ACP5: variants seen among roughly 807,000 people sequenced by gnomAD.
The protein encoded by ACP5 is acid phosphatase 5, tartrate resistant, also known as tartrate-resistant acid phosphatase type 5.
Under a neutral mutation model 28.7 loss-of-function variants are expected in ACP5, and 24 were observed. That is an observed-to-expected ratio of 0.84 (90% confidence interval 0.61 to 1.18). The LOEUF (loss-of-function observed/expected upper bound fraction) is 1.18. ACP5 is among the 50% of genes most tolerant of loss of function. ACP5 has a pLI of 0.00. For synonymous variants in ACP5, 154 were observed against 181.4 expected (o/e 0.85, Z 1.21); for missense variants, 354 against 422.2 (o/e 0.84, Z 1.42).
rs974572329 is a variant in ACP5 at position 11,577,503 on chromosome 19, G to C, written c.-1+90C>G. ...GGCTGCACAAGCTGGCTTAGGGAAG[G>C]GGGGCGCGGTCTGTGAGAGGGCGAG... On this transcript the variant is annotated intron_variant, in intron 1 of 4. Transcript: ENST00000648477. The surrounding 1 kb of genome is among the most constrained non-coding windows in gnomAD (Gnocchi z 5.7). 14 of 701,482 alleles carry C rather than the reference G, an allele frequency of 2.0e-5. No homozygotes were observed. Among genetic ancestry groups the C allele is most frequent in the Non-Finnish European group, 3.2e-5 (13 of 405,970 alleles). 43.5% of individuals were successfully genotyped at this position (701,482 alleles called of 1,614,324 possible).
chr19:11,575,531 T>G (rs1973102066), intron 4 of ACP5: 2 of 449,090 alleles, frequency 4.5e-6, no homozygotes, highest in African/African-American at 4.0e-5. Context: ...GAGACCAGCC[T>G]GGGCAACATA....
rs2145083008 is a variant in ACP5, at chr19:11,575,354, G to T, written c.736-102C>A. On this transcript the variant is annotated intron_variant, in intron 4 of 4. Transcript: ENST00000648477. The stretch of plus-strand genomic sequence containing the variant: ...GCCCTAACCACAGAGTCACCTTGAG[G>T]TATGTAACCCCTCCTGGCTTCAATT... 3 of 1,413,398 alleles carry T rather than the reference G, an allele frequency of 2.1e-6. No homozygotes were observed. In the East Asian group the frequency reaches 7.2e-5, roughly 34 times the overall value. The allele number at this position is 1,413,398 out of a possible 1,614,324, so 87.6% of individuals were successfully genotyped here. A position where few individuals can be genotyped will look rare whatever the true frequency, so the allele number is the denominator to read the frequency against.
At position 11,577,441 on chromosome 19, in the gene ACP5, T is replaced by C; in HGVS notation, c.1-124A>G. The C allele has an allele frequency of 9.0e-7, 1 of 1,107,392 alleles. No individual in the cohort carries two copies. The highest frequency in any genetic ancestry group is 1.3e-5 in the South Asian group (1 of 74,222). The allele number at this position is 1,107,392 out of a possible 1,614,324, so 68.6% of individuals were successfully genotyped here. On this transcript the variant is annotated intron_variant, in intron 1 of 4. Transcript: ENST00000648477. The surrounding 1 kb of genome is among the most constrained non-coding windows in gnomAD (Gnocchi z 5.7). ...TGCAGGCTGCCCCTGCGGGAACCCCTTGGTGCCCTAATTCTCAGGACACAC... is the reference window on the plus strand; with the variant it reads ...TGCAGGCTGCCCCTGCGGGAACCCCCTGGTGCCCTAATTCTCAGGACACAC...
rs929091337 is a variant in ACP5 at position 11,577,204 on chromosome 19, G to A, written c.114C>T (p.Pro38=). ...FVAVGDWGGV[P]NAPFHTAREM... ...CCCGGGCCGTGTGGAATGGGGCATTGGGGACCCCTCCCCAGTCACCCACGG... is the reference window on the plus strand; with the variant it reads ...CCCGGGCCGTGTGGAATGGGGCATTAGGGACCCCTCCCCAGTCACCCACGG... Residue 38 remains proline, a synonymous_variant, in exon 2 of 5, where the codon CCC becomes CCT. Transcript: ENST00000648477. This position sits in a 1 kb window ranked among gnomAD's most constrained non-coding sequence, Gnocchi z 5.7. The A allele has an allele frequency of 1.2e-6, 2 of 1,614,208 alleles. No individual in the cohort carries two copies. Among genetic ancestry groups the A allele is most frequent in the Admixed American group, 1.7e-5 (1 of 60,012 alleles).
At position 11,575,186 on chromosome 19, in the gene ACP5, T is replaced by C. The variant is rs188463838; in HGVS notation, c.802A>G (p.Lys268Glu). Reference protein sequence around the residue: ...SGAGNFMDPSKRHQRKVPNGY... With the variant: ...SGAGNFMDPSERHQRKVPNGY... ...TTGGGGACCTTGCGCTGGTGCCGCT[T>C]TGAGGGGTCCATGAAATTCCCAGCC... is the stretch of plus-strand genomic sequence containing the variant. The change falls in exon 5 of 5, where the codon AAG becomes GAG. Residue 268 changes from lysine to glutamate, a missense_variant. Coordinates refer to ENST00000648477, the MANE Select transcript of ACP5 (RefSeq NM_001611.5). 4.3e-6 allele frequency: 7 copies of C among 1,614,100 alleles called. No individual in the cohort carries two copies. Among genetic ancestry groups the C allele is most frequent in the Admixed American group, 1.7e-5 (1 of 60,014 alleles).
In ACP5 at chr19:11,576,732, T is replaced by TA. The variant is rs756448158; in HGVS notation, c.372dup (p.Lys125Ter). 2.7e-5 allele frequency: 43 copies of TA among 1,613,758 alleles called. No homozygotes were observed. Among genetic ancestry groups the TA allele is most frequent in the Non-Finnish European group, 3.6e-5 (42 of 1,179,952 alleles). On this transcript the variant is annotated frameshift_variant, in exon 3 of 5. Coordinates refer to ENST00000648477, the MANE Select transcript of ACP5 (RefSeq NM_001611.5). LOFTEE classifies it high-confidence loss of function. ...GTGGCTCACCAGCGCTTGGAGATCT[T>TA]AGAGTATGCAATCTGGGCAGAGACA...
At position 11,577,082 on chromosome 19, in the gene ACP5, T is replaced by C; in HGVS notation, c.236A>G (p.Gln79Arg). The C allele has an allele frequency of 6.2e-7, 1 of 1,614,086 alleles. No individual in the cohort carries two copies. Among genetic ancestry groups the C allele is most frequent in the East Asian group, 2.2e-5 (1 of 44,870 alleles). The change falls in exon 2 of 5, where the codon CAA (glutamine) becomes CGA (arginine). Residue 79 changes from glutamine to arginine, a missense_variant. Gln to Arg is a conservative substitution (Grantham distance 43). Coordinates refer to ENST00000648477, the MANE Select transcript of ACP5 (RefSeq NM_001611.5). The surrounding 1 kb of genome is among the most constrained non-coding windows in gnomAD (Gnocchi z 5.7). ...CTGGAACCTCTTGTCATTGATGTCT[T>C]GCACACCAGTGAAGTAAAAATTGTC... ...LGDNFYFTGV[Q>R]DINDKRFQET...
rs1258244519 is a variant in ACP5 at position 11,576,783 on chromosome 19, C to G, written c.322G>C (p.Ala108Pro). 5 of 1,613,954 alleles carry G rather than the reference C, an allele frequency of 3.1e-6. No individual in the cohort carries two copies. Among genetic ancestry groups the G allele is most frequent in the African/African-American group, 2.7e-5 (2 of 74,876 alleles). ...SLRKVPWYVL[A>P]GNHDHLGNVS... ...TTGCCAAGGTGGTCATGGTTTCCGG[C>G]TAGCACGTACCAGGGCACTTTGCGA... The change falls in exon 3 of 5, where the codon GCC becomes CCC. Residue 108 changes from alanine (A) to proline (P), a missense_variant. Coordinates refer to ENST00000648477, the MANE Select transcript of ACP5 (RefSeq NM_001611.5).
At chr19:11,575,957 T>C (rs1331968724) in intron 4 of ACP5, among the ~76,000 whole-genome samples, 19 of 136,914 alleles carry the variant, frequency 1.4e-4, no homozygotes, top group African/African-American at 5.4e-4. Context: ...TAAGCCCCGA[T>C]TGCACCACTG....
Position 11,577,619 on chromosome 19 carries a change from G to C in ACP5, c.-27C>G. 1.9e-6 allele frequency: 1 copy of C among 514,122 alleles called. No homozygotes were observed. Among genetic ancestry groups the C allele is most frequent in the Non-Finnish European group, 3.5e-6 (1 of 281,852 alleles). 31.8% of individuals were successfully genotyped at this position (514,122 alleles called of 1,614,324 possible). On this transcript the variant is annotated 5_prime_UTR_variant, in exon 1 of 5. Coordinates refer to ENST00000648477, the MANE Select transcript of ACP5 (RefSeq NM_001611.5). This position sits in a 1 kb window ranked among gnomAD's most constrained non-coding sequence, Gnocchi z 5.7. Reference sequence around the variant, plus strand: ...CAGGGGGAGACACAGGCCAGTCACCGGAGGCTCTGAGAGGCTGGTGGGCTC... The same window carrying C: ...CAGGGGGAGACACAGGCCAGTCACCCGAGGCTCTGAGAGGCTGGTGGGCTC...
chr19:11,576,365 G>A lies in ACP5; in HGVS notation c.613C>T (p.His205Tyr). 6.2e-7 allele frequency: 1 copy of A among 1,610,186 alleles called. No individual in the cohort carries two copies. Among genetic ancestry groups the A allele is most frequent in the South Asian group, 1.1e-5 (1 of 90,984 alleles). Reference sequence around the variant, plus strand: ...TCGGCTATGGACCACACGGGGTAGTGGCCAGCCACCAGCACGTAGTCCTCC... The same window carrying A: ...TCGGCTATGGACCACACGGGGTAGTAGCCAGCCACCAGCACGTAGTCCTCC... Reference protein sequence around the residue: ...AREDYVLVAGHYPVWSIAEHG... With the variant: ...AREDYVLVAGYYPVWSIAEHG... Residue 205 changes from histidine (H) to tyrosine (Y), a missense_variant, in exon 4 of 5, where the codon CAC becomes TAC. Transcript: ENST00000648477.
intron 4 of ACP5, among the ~76,000 whole-genome samples, chr19:11,576,006 C>CAAAAAAAAAAAA (rs3035420): frequency 1.1e-4 from 6 of 52,876 alleles, no homozygotes; most frequent in African/African-American, 4.1e-4. Context: ...ACCTTGTCTC[C>CAAAAAAAAAAAA]AAAAAAAAAA....
chr19:11,576,145 G>T, intron 4 of ACP5, 98 bp downstream of exon 4: 1 of 1,005,542 alleles, frequency 9.9e-7, no homozygotes, highest in Non-Finnish European at 1.5e-6. Flanking sequence ...GAAGGCCACA[G>T]GAGACCCTCA....
upstream of ACP5, chr19:11,578,633 G>C (rs544900863): frequency 6.5e-6 from 1 of 152,772 alleles, no homozygotes; most frequent in Admixed American, 6.5e-5. Context: ...CACGTCCCGC[G>C]GACATTCAGG....
chr19:11,574,804 G>A lies in ACP5; in HGVS notation c.*206C>T, dbSNP rs1973064513. The A allele has an allele frequency of 1.6e-6, 1 of 624,254 alleles. No homozygotes were observed. Among genetic ancestry groups the A allele is most frequent in the Non-Finnish European group, 2.8e-6 (1 of 351,138 alleles). 38.7% of individuals were successfully genotyped at this position (624,254 alleles called of 1,614,324 possible). On this transcript the variant is annotated 3_prime_UTR_variant, in exon 5 of 5. Coordinates refer to ENST00000648477, the MANE Select transcript of ACP5 (RefSeq NM_001611.5). The stretch of plus-strand genomic sequence containing the variant: ...GCCACAGAGCATAACACTGTGGCTG[G>A]GACACATGTCCATGTGTGTTTCACA...
At position 11,575,121 on chromosome 19, in the gene ACP5, C is replaced by T; in HGVS notation, c.867G>A (p.Leu289=). The part of the protein sequence containing the change: ...LRFHYGTEDS[L]GGFAYVEISS... ...TGATCTCCACATAGGCAAAGCCACC[C>T]AGTGAGTCTTCAGTCCCATAGTGGA... The change falls in exon 5 of 5, where the codon CTG becomes CTA. Residue 289 remains leucine (L), a synonymous_variant. Coordinates refer to ENST00000648477, the MANE Select transcript of ACP5 (RefSeq NM_001611.5). 6.2e-7 allele frequency: 1 copy of T among 1,614,244 alleles called. No individual in the cohort carries two copies. The highest frequency in any genetic ancestry group is 8.5e-7 in the Non-Finnish European group (1 of 1,180,052).
upstream of ACP5, chr19:11,578,938 C>A (rs1973274476): frequency 6.6e-6 from 1 of 152,212 alleles, no homozygotes; most frequent in South Asian, 2.1e-4. Context: ...AGGCAGCGGC[C>A]GATCCGCCCT....
intron 4 of ACP5, 41 bp downstream of exon 4, chr19:11,576,201 AC>A (rs762602282): frequency 2.6e-6 from 4 of 1,567,892 alleles, no homozygotes; most frequent in Non-Finnish European, 2.6e-6. Flanking sequence ...TGGGATGGGG[AC>A]CCCCCTCACC....
intron 4 of ACP5, 89 bp downstream of exon 4, chr19:11,576,154 C>T: frequency 8.6e-7 from 1 of 1,165,376 alleles, no homozygotes; most frequent in Admixed American, 2.0e-5. Context: ...AGGAGACCCT[C>T]AAACAGCAGG....
Sources: allele counts gnomAD v4.1 joint callset (sites outside exome capture counted in the v4.1 genomes callset), GRCh38; gene constraint gnomAD v4.1.1; non-coding constraint Gnocchi (gnomAD v3.1); transcripts MANE v1.5; gene names NCBI Gene and HGNC (gene_info 2026-07-23, HGNC 2026-07-21).